PCDH15: variants seen among roughly 807,000 people sequenced by gnomAD.
PCDH15 encodes protocadherin-15.
PCDH15 carries 129 observed loss-of-function variants against 178.5 expected under a neutral mutation model. That is an observed-to-expected ratio of 0.72 (90% CI 0.63 to 0.84). The LOEUF is 0.84. PCDH15 is among the 40% of genes least tolerant of loss of function. The probability of loss-of-function intolerance (pLI) is 0.00; values close to 1 mark genes in which losing one functional copy is unlikely to be tolerated. For missense variants in PCDH15, 2,230 were observed against 2,099.9 expected (o/e 1.06, Z -1.21); for synonymous variants, 800 against 732.0 (o/e 1.09, Z -1.50).
chr10:55,077,189 T>G (rs1008287125), intron 2 of PCDH15, among the ~76,000 whole-genome samples: 1 of 152,254 alleles, frequency 6.6e-6, no homozygotes, highest in South Asian at 2.1e-4. Context: ...ATACTGTTTC[T>G]TGTAGGCAGC....
intron 2 of PCDH15, among the ~76,000 whole-genome samples, chr10:54,962,656 T>A (rs980270570): frequency 6.6e-6 from 1 of 152,210 alleles, no homozygotes; most frequent in Non-Finnish European, 1.5e-5. Context: ...AACTGGCACC[T>A]GTGCCGGCTC....
chr10:54,631,201 A>G (rs568852931), intron 2 of PCDH15, among the ~76,000 whole-genome samples: 8 of 151,970 alleles, frequency 5.3e-5, no homozygotes, highest in African/African-American at 1.9e-4. Context: ...AATGTGTGGC[A>G]CTTCCCCACC....
At chr10:54,528,429 A>T in intron 2 of PCDH15, 1 of 1,556,078 alleles carries the variant, frequency 6.4e-7, no homozygotes, top group Non-Finnish European at 8.7e-7. Flanking sequence ...AGAGTCATCA[A>T]TGGAAGCAGA....
chr10:54,690,665 A>G (rs553594207), intron 1 of PCDH15, among the ~76,000 whole-genome samples: 1 of 152,190 alleles, frequency 6.6e-6, no homozygotes, highest in South Asian at 2.1e-4. Flanking sequence ...CTACTTATTA[A>G]CCAGAGTATT....
At chr10:54,285,290 C>T (rs1453181286) in intron 8 of PCDH15, among the ~76,000 whole-genome samples, 1 of 149,606 alleles carries the variant, frequency 6.7e-6, no homozygotes, top group Non-Finnish European at 1.5e-5. Flanking sequence ...AAAGAGACAA[C>T]CTAAGAACAG....
At chr10:54,048,735 GTGTC>G (rs1176423192) in intron 18 of PCDH15, among the ~76,000 whole-genome samples, 4 of 152,090 alleles carry the variant, frequency 2.6e-5, no homozygotes, top group East Asian at 1.9e-4. Context: ...GTTAACCTAT[GTGTC>G]TGTCTATGTG....
chr10:54,990,521 A>C (rs1839474178), intron 2 of PCDH15, among the ~76,000 whole-genome samples: 1 of 152,188 alleles, frequency 6.6e-6, no homozygotes. Context: ...ATGAATTAAA[A>C]ATAAATAAAT....
chr10:54,532,395 A>T (rs191347382), intron 2 of PCDH15, among the ~76,000 whole-genome samples: 1 of 152,234 alleles, frequency 6.6e-6, no homozygotes, highest in African/African-American at 2.4e-5. Flanking sequence ...AAAGCAAAAT[A>T]GTTTTTGATC....
At chr10:53,956,224 G>A (rs986486842) in intron 23 of PCDH15, among the ~76,000 whole-genome samples, 1 of 151,850 alleles carries the variant, frequency 6.6e-6, no homozygotes, top group Non-Finnish European at 1.5e-5. Context: ...TATTTTTTTG[G>A]CCAGAAATCA....
In PCDH15 at chr10:55,538,987, CCT is replaced by C. The variant is rs1349298529; in HGVS notation, c.-156+88636_-156+88637del. On this transcript the variant is annotated intron_variant, in intron 2 of 5. Coordinates refer to the PCDH15 transcript ENST00000613346. ...TCCTTCCTTCCTCCTTTCCTTCCTT[CCT>C]TCCTCCTTTCCTTCCCTCCTCCTTT... 8.5e-4 allele frequency among the ~76,000 whole-genome samples: 110 copies of C among 130,116 alleles called. 2 individuals carry two copies. Among genetic ancestry groups the C allele is most frequent in the East Asian group, 1.7e-3 (7 of 4,180 alleles). 85.4% of individuals were successfully genotyped at this position (130,116 alleles called of 152,430 possible). A position where few individuals can be genotyped will look rare whatever the true frequency, so the allele number is the denominator to read the frequency against.
intron 2 of PCDH15, among the ~76,000 whole-genome samples, chr10:55,605,035 T>G (rs978230030): frequency 6.6e-6 from 1 of 151,958 alleles, no homozygotes; most frequent in Non-Finnish European, 1.5e-5. Flanking sequence ...AAGAATCAAA[T>G]AGACGCAATA....
chr10:55,286,237 A>T (rs1842866679), intron 1 of PCDH15, among the ~76,000 whole-genome samples: 1 of 151,884 alleles, frequency 6.6e-6, no homozygotes, highest in Non-Finnish European at 1.5e-5. Context: ...TGACTGCATT[A>T]AAAAAATACT....
chr10:54,858,125 G>A (rs931384457), intron 3 of PCDH15, among the ~76,000 whole-genome samples: 5 of 152,132 alleles, frequency 3.3e-5, no homozygotes, highest in Admixed American at 6.5e-5. Context: ...AGGAATTAAA[G>A]TATTTTCAAA....
At chr10:55,519,074 A>G (rs1841089788) in intron 2 of PCDH15, among the ~76,000 whole-genome samples, 1 of 141,988 alleles carries the variant, frequency 7.0e-6, no homozygotes, top group Non-Finnish European at 1.5e-5. Context: ...AGCCTGGGCA[A>G]CAGAGTGAGA....
chr10:53,886,200 A>T (rs1475262149), intron 26 of PCDH15, among the ~76,000 whole-genome samples: 1 of 152,172 alleles, frequency 6.6e-6, no homozygotes, highest in African/African-American at 2.4e-5. Flanking sequence ...AACCGTGCTC[A>T]GTGCTTTATG....
At chr10:54,039,253 C>T (rs1056301282) in intron 18 of PCDH15, among the ~76,000 whole-genome samples, 3 of 151,880 alleles carry the variant, frequency 2.0e-5, no homozygotes, top group Non-Finnish European at 4.4e-5. Context: ...GGGGATGCTG[C>T]TATAACTAGT....
At chr10:54,181,416 G>A (rs1389025933) in intron 13 of PCDH15, among the ~76,000 whole-genome samples, 4 of 151,820 alleles carry the variant, frequency 2.6e-5, no homozygotes, top group Non-Finnish European at 4.4e-5. Context: ...TCAGATTCAG[G>A]GGGTACATAC....
In PCDH15 at chr10:55,606,349, C is replaced by T. The variant is rs1354562569; in HGVS notation, c.-156+21276G>A. On this transcript the variant is annotated intron_variant, in intron 2 of 5. Coordinates refer to the PCDH15 transcript ENST00000613346. ...AGGTAATTTACAGATTCAATGCCAT[C>T]CCCATCAAGCTACCAATGCCTTTCT... 5.0e-5 allele frequency among the ~76,000 whole-genome samples: 7 copies of T among 140,230 alleles called. No individual in the cohort carries two copies. In the South Asian group the frequency reaches 1.7e-3, roughly 33 times the overall value. The allele number at this position is 140,230 out of a possible 152,430, so 92.0% of individuals were successfully genotyped here.
chr10:54,163,510 T>A (rs1415872119), intron 13 of PCDH15, among the ~76,000 whole-genome samples: 1 of 152,016 alleles, frequency 6.6e-6, no homozygotes, highest in Non-Finnish European at 1.5e-5. Flanking sequence ...GAAATTTGCC[T>A]CCATAATCCA....
Sources: gnomAD v4.1 joint callset for allele counts (sites outside exome capture counted in the v4.1 genomes callset) on GRCh38, gnomAD v4.1.1 for gene constraint, MANE v1.5 for transcripts, NCBI Gene and HGNC (gene_info 2026-07-23, HGNC 2026-07-21) for gene names.